ETNK1: variants seen among roughly 807,000 people sequenced by gnomAD.
The protein encoded by ETNK1 is ethanolamine kinase 1, also known as putative protein product of Nbla10396.
ETNK1 carries 8 observed loss-of-function variants against 45.1 expected under a neutral mutation model. The observed-to-expected ratio is 0.18, with a 90% CI of 0.10 to 0.32. The LOEUF is 0.32. Ranked by LOEUF, ETNK1 falls within the 10% of genes least tolerant of loss-of-function variation. The pLI is 1.00. For synonymous variants in ETNK1, 152 were observed against 151.9 expected, an observed-to-expected ratio of 1.00 and a Z score of -0.01; for missense variants, 302 against 430.6, an observed-to-expected ratio of 0.70 and a Z score of 2.64.
At chr12:22,632,691 T>C (rs186243280) in intron 1 of ETNK1, among the ~76,000 whole-genome samples, 1 of 152,142 alleles carries the variant, frequency 6.6e-6, no homozygotes, top group East Asian at 1.9e-4. Context: ...TTTGTAGTGA[T>C]GTGGTCTTGC....
At chr12:22,650,792 A>G (rs1953864827) in intron 2 of ETNK1, among the ~76,000 whole-genome samples, 1 of 152,162 alleles carries the variant, frequency 6.6e-6, no homozygotes, top group Admixed American at 6.5e-5. Flanking sequence ...AATATTTGCT[A>G]GCAGAAAACA....
At chr12:22,677,698 G>T (rs952070128) in intron 6 of ETNK1, among the ~76,000 whole-genome samples, 1 of 152,120 alleles carries the variant, frequency 6.6e-6, no homozygotes, top group South Asian at 2.1e-4. Flanking sequence ...CAGTGGTTTT[G>T]TAGTTCTCCT....
chr12:22,645,543 T>G (rs541670938), intron 2 of ETNK1, among the ~76,000 whole-genome samples: 1 of 151,910 alleles, frequency 6.6e-6, no homozygotes, highest in East Asian at 1.9e-4. Context: ...CCAAAGCCTT[T>G]GTTTATTTTT....
At chr12:22,650,938 T>C (rs892892133) in intron 2 of ETNK1, among the ~76,000 whole-genome samples, 1 of 152,178 alleles carries the variant, frequency 6.6e-6, no homozygotes, top group Non-Finnish European at 1.5e-5. Flanking sequence ...AAATTTACCA[T>C]TGAAGCAGCA....
chr12:22,666,099 A>G (rs1044990172), intron 4 of ETNK1, among the ~76,000 whole-genome samples: 2 of 152,166 alleles, frequency 1.3e-5, no homozygotes, highest in African/African-American at 4.8e-5. Context: ...TTTTGCCTCT[A>G]CCTGCTCTCA....
At chr12:22,649,498 C>T (rs753975506) in intron 2 of ETNK1, among the ~76,000 whole-genome samples, 3 of 152,042 alleles carry the variant, frequency 2.0e-5, no homozygotes, top group Non-Finnish European at 2.9e-5. Context: ...ATTTCCTATG[C>T]TCCTTTTCAA....
chr12:22,669,041 T>C (rs1306835403), intron 4 of ETNK1, among the ~76,000 whole-genome samples: 2 of 152,174 alleles, frequency 1.3e-5, no homozygotes, highest in Non-Finnish European at 2.9e-5. Flanking sequence ...TTTATTGGCA[T>C]GTAACAGTTA....
chr12:22,626,079 CCCAAAGTAATGA>C, intron 1 of ETNK1: 1 of 350,022 alleles, frequency 2.9e-6, no homozygotes, highest in South Asian at 2.1e-5. Flanking sequence ...GTACTCAATT[CCCAAAGTAATGA>C]CCACGACCAT....
intron 1 of ETNK1, chr12:22,625,819 G>C (rs1158905741): frequency 4.1e-6 from 3 of 727,806 alleles, no homozygotes; most frequent in Non-Finnish European, 7.3e-6. Flanking sequence ...TCTAGAAGCC[G>C]CTGCGTAAGT....
intron 4 of ETNK1, 171 bp downstream of exon 4, chr12:22,661,376 T>A: frequency 2.5e-6 from 1 of 396,310 alleles, no homozygotes; most frequent in Non-Finnish European, 4.3e-6. Flanking sequence ...AAATTTAGGA[T>A]ATATATTCTT....
At chr12:22,652,609 A>C (rs1328667919) in intron 2 of ETNK1, among the ~76,000 whole-genome samples, 1 of 152,166 alleles carries the variant, frequency 6.6e-6, no homozygotes, top group Non-Finnish European at 1.5e-5. Context: ...AGTAATGTTG[A>C]ACATATGCTT....
intron 2 of ETNK1, among the ~76,000 whole-genome samples, chr12:22,658,512 C>T (rs73253834): frequency 0.047 from 7,114 of 152,130 alleles, 545 homozygotes; most frequent in African/African-American, 0.16. Context: ...GAAAAAATTA[C>T]TCAGTGATAC....
chr12:22,656,393 T>A (rs1283306338), intron 2 of ETNK1: 1 of 985,252 alleles, frequency 1.0e-6, no homozygotes, highest in Non-Finnish European at 1.2e-6. Flanking sequence ...AGGGCCTCCT[T>A]GTCTTCTGAT....
chr12:22,628,576 A>G (rs1316529436), intron 1 of ETNK1, among the ~76,000 whole-genome samples: 1 of 152,138 alleles, frequency 6.6e-6, no homozygotes, highest in East Asian at 1.9e-4. Context: ...AAAGGAATAA[A>G]GAATCAAGTC....
chr12:22,658,395 C>G (rs975568750), intron 2 of ETNK1, among the ~76,000 whole-genome samples: 9 of 152,160 alleles, frequency 5.9e-5, no homozygotes, highest in Non-Finnish European at 1.0e-4. Context: ...ATCTGACTCA[C>G]CAGTGGATCC....
chr12:22,645,110 A>G (rs117784765), intron 2 of ETNK1, among the ~76,000 whole-genome samples: 1,903 of 151,982 alleles, frequency 0.013, 10 homozygotes, highest in Non-Finnish European at 0.022. Flanking sequence ...TGATTAATAC[A>G]TTTGTGTTTA....
chr12:22,672,315 C>G (rs572772980), intron 5 of ETNK1, among the ~76,000 whole-genome samples: 1 of 151,952 alleles, frequency 6.6e-6, no homozygotes, highest in African/African-American at 2.4e-5. Flanking sequence ...GAACATACCC[C>G]AGAATGGTTT....
At chr12:22,646,867 C>A (rs770924804) in intron 2 of ETNK1, among the ~76,000 whole-genome samples, 1 of 151,674 alleles carries the variant, frequency 6.6e-6, no homozygotes, top group South Asian at 2.1e-4. Flanking sequence ...GACACAGTAA[C>A]CTTGAGGGAA....
At chr12:22,652,612 A>G (rs1953892759) in intron 2 of ETNK1, among the ~76,000 whole-genome samples, 1 of 152,214 alleles carries the variant, frequency 6.6e-6, no homozygotes, top group Non-Finnish European at 1.5e-5. Flanking sequence ...AATGTTGAAC[A>G]TATGCTTATT....
Sources: allele counts gnomAD v4.1 joint callset (sites outside exome capture counted in the v4.1 genomes callset), GRCh38; gene constraint gnomAD v4.1.1; transcripts MANE v1.5; gene names NCBI Gene and HGNC (gene_info 2026-07-23, HGNC 2026-07-21).